The following COL4A1 variants were observed in gnomAD, a reference collection of about 807,000 sequenced individuals.
The protein encoded by COL4A1 is collagen type IV alpha 1 chain, also known as collagen alpha-1(IV) chain.
Under a neutral mutation model 216.6 loss-of-function variants are expected in COL4A1, and 40 were observed. That is an observed-to-expected ratio of 0.18 (90% CI 0.14 to 0.24). The LOEUF (loss-of-function observed/expected upper bound fraction) is 0.24, where lower values mean the gene tolerates loss of function less well. Among genes scored for constraint, COL4A1 ranks in the 10% least tolerant of loss-of-function variants. The probability of loss-of-function intolerance (pLI) is 1.00; values close to 1 mark genes in which losing one functional copy is unlikely to be tolerated. For synonymous variants in COL4A1, 839 were observed against 810.7 expected (o/e 1.03, Z -0.59); for missense variants, 1,628 against 2,196.8 (o/e 0.74, Z 5.18).
chr13:110,212,544 AAAG>A lies in COL4A1; in HGVS notation c.324+27_324+29del, dbSNP rs768050558. ...TCGCCTGATGGAAGAATATTTCATA[AAAG>A]AAGTAGAGCACGTTTTCTATACATA... On this transcript the variant is annotated intron_variant, in intron 5 of 51. Transcript: ENST00000375820. 2.7e-5 allele frequency: 43 copies of A among 1,614,112 alleles called. No homozygotes were observed. The African/African-American group carries it at 5.3e-4, about 20-fold the overall frequency.
intron 2 of COL4A1, among the ~76,000 whole-genome samples, chr13:110,239,783 G>T (rs1881476299): frequency 6.6e-6 from 1 of 152,208 alleles, no homozygotes; most frequent in Non-Finnish European, 1.5e-5. Flanking sequence ...TGACCTGCCA[G>T]CCTAGAGTAC....
chr13:110,306,945 T>G lies in COL4A1; in HGVS notation c.83A>C (p.Lys28Thr). Reference sequence around the variant, plus strand: ...GAGCGGAGCTGGCCGGGAACTCACCTTCGCAGCGGCCCGGCTGTGCTCCTC... The same window carrying G: ...GAGCGGAGCTGGCCGGGAACTCACCGTCGCAGCGGCCCGGCTGTGCTCCTC... ...LHEEHSRAAA[K>T]GGCAGSGCGK... Residue 28 changes from lysine (K) to threonine (T), a missense_variant and splice_region_variant, in exon 1 of 52, where the codon AAG becomes ACG. Physicochemically the swap from Lys to Thr is moderately conservative, Grantham distance 78. Around this residue, in one of 8 missense-constraint regions of COL4A1, gnomAD observed 74 missense variants for 61.7 expected, o/e 1.20. Coordinates refer to ENST00000375820, the MANE Select transcript of COL4A1 (RefSeq NM_001845.6). 1 of 1,471,756 alleles carries G rather than the reference T, an allele frequency of 6.8e-7. No individual in the cohort carries two copies. The highest frequency in any genetic ancestry group is 9.0e-7 in the Non-Finnish European group (1 of 1,116,322). 91.2% of individuals were successfully genotyped at this position (1,471,756 alleles called of 1,614,324 possible). A position where few individuals can be genotyped will look rare whatever the true frequency, so the allele number is the denominator to read the frequency against.
chr13:110,276,310 C>G (rs1478549267), intron 1 of COL4A1, among the ~76,000 whole-genome samples: 1 of 152,216 alleles, frequency 6.6e-6, no homozygotes, highest in Non-Finnish European at 1.5e-5. Context: ...CGTAAAACAT[C>G]TGCATAATTG....
intron 49 of COL4A1, among the ~76,000 whole-genome samples, chr13:110,156,255 C>T (rs564223822): frequency 1.3e-5 from 2 of 152,300 alleles, no homozygotes; most frequent in African/African-American, 4.8e-5. Context: ...CGTATTTCCA[C>T]AAGCACAATA....
chr13:110,265,557 G>A (rs1394721218), intron 1 of COL4A1: 1 of 152,220 alleles, frequency 6.6e-6, no homozygotes, highest in Non-Finnish European at 1.5e-5. Flanking sequence ...CAGGGGAGCT[G>A]ATTCTGGTGA....
At chr13:110,301,439 G>A (rs1332395795) in intron 1 of COL4A1, among the ~76,000 whole-genome samples, 1 of 152,234 alleles carries the variant, frequency 6.6e-6, no homozygotes, top group Non-Finnish European at 1.5e-5. Context: ...ACCACAACCA[G>A]CACCGCTCGA....
At chr13:110,188,535 T>G (rs1349280462) in intron 24 of COL4A1, among the ~76,000 whole-genome samples, 1 of 152,208 alleles carries the variant, frequency 6.6e-6, no homozygotes, top group East Asian at 1.9e-4. Flanking sequence ...AAGCTGATAC[T>G]CAAAGAAGTG....
chr13:110,296,488 GCTAA>G (rs1188646396), intron 1 of COL4A1, among the ~76,000 whole-genome samples: 3 of 152,164 alleles, frequency 2.0e-5, no homozygotes, highest in Non-Finnish European at 4.4e-5. Flanking sequence ...AATAGTAAAA[GCTAA>G]CATTTTATGA....
intron 1 of COL4A1, among the ~76,000 whole-genome samples, chr13:110,287,229 A>G (rs971541810): frequency 3.9e-5 from 6 of 152,196 alleles, no homozygotes; most frequent in Admixed American, 2.6e-4. Flanking sequence ...GCTCTTATTC[A>G]GCCATTCAAC....
At chr13:110,166,880 T>C (rs1877369736) in intron 44 of COL4A1, among the ~76,000 whole-genome samples, 1 of 152,196 alleles carries the variant, frequency 6.6e-6, no homozygotes, top group African/African-American at 2.4e-5. Flanking sequence ...GTTTAATATA[T>C]GAATAAATTA....
chr13:110,240,438 C>T lies in COL4A1; in HGVS notation c.144+2237G>A, dbSNP rs117956337. 2.6e-5 allele frequency among the ~76,000 whole-genome samples: 4 copies of T among 152,338 alleles called. No homozygotes were observed. The East Asian group carries it at 7.7e-4, about 29-fold the overall frequency. On this transcript the variant is annotated intron_variant, in intron 2 of 51. Transcript: ENST00000375820. The stretch of plus-strand genomic sequence containing the variant: ...CTCCCAGTGTCAAGGCTAAAGCTGG[C>T]CCCTGTAGGAAGCTGGCATGGAGCC...
chr13:110,295,241 C>A (rs376586386), intron 1 of COL4A1, among the ~76,000 whole-genome samples: 11 of 149,916 alleles, frequency 7.3e-5, no homozygotes, highest in Middle Eastern at 3.2e-3. Context: ...TCTCACACTA[C>A]ATGGTTTTCT....
intron 1 of COL4A1, among the ~76,000 whole-genome samples, chr13:110,304,620 G>C (rs901944813): frequency 6.6e-6 from 1 of 152,220 alleles, no homozygotes; most frequent in Non-Finnish European, 1.5e-5. Context: ...GAAAAGTGGA[G>C]GAAGGGAGGA....
intron 1 of COL4A1, among the ~76,000 whole-genome samples, chr13:110,271,210 C>T (rs767997982): frequency 6.6e-5 from 10 of 152,304 alleles, no homozygotes; most frequent in Non-Finnish European, 1.3e-4. Context: ...ATGGAGACAG[C>T]GGCGCCAACC....
intron 1 of COL4A1, among the ~76,000 whole-genome samples, chr13:110,255,387 G>A (rs968938839): frequency 1.3e-5 from 2 of 150,750 alleles, no homozygotes; most frequent in Admixed American, 1.3e-4. Context: ...CTTGGGGATG[G>A]GAGCTAGAGC....
intron 1 of COL4A1, among the ~76,000 whole-genome samples, chr13:110,255,885 G>A (rs1401539666): frequency 2.6e-5 from 1 of 38,022 alleles, no homozygotes; most frequent in African/African-American, 7.5e-5. Context: ...CAGGAAGGGA[G>A]GGGGAAGGCA....
At chr13:110,264,398 C>A (rs1368887251) in intron 1 of COL4A1, among the ~76,000 whole-genome samples, 1 of 152,108 alleles carries the variant, frequency 6.6e-6, no homozygotes, top group East Asian at 1.9e-4. Flanking sequence ...AACTTGGCAA[C>A]CACCCTCCTA....
At chr13:110,246,964 G>C (rs1413128341) in intron 1 of COL4A1, among the ~76,000 whole-genome samples, 2 of 152,122 alleles carry the variant, frequency 1.3e-5, no homozygotes, top group Non-Finnish European at 2.9e-5. Flanking sequence ...AGTTCTCAAA[G>C]GAAAGAAAGG....
chr13:110,306,946 T>C lies in COL4A1; in HGVS notation c.82A>G (p.Lys28Glu), dbSNP rs886049964. ...LHEEHSRAAA[K>E]GGCAGSGCGK... Reference sequence around the variant, plus strand: ...AGCGGAGCTGGCCGGGAACTCACCTTCGCAGCGGCCCGGCTGTGCTCCTCG... The same window carrying C: ...AGCGGAGCTGGCCGGGAACTCACCTCCGCAGCGGCCCGGCTGTGCTCCTCG... The change falls in exon 1 of 52, where the codon AAG becomes GAG. Residue 28 changes from lysine (K) to glutamate (E), a missense_variant and splice_region_variant. Around this residue, in one of 8 missense-constraint regions of COL4A1, gnomAD observed 74 missense variants for 61.7 expected, o/e 1.20. Transcript: ENST00000375820. The C allele has an allele frequency of 6.8e-7, 1 of 1,471,908 alleles. No individual in the cohort carries two copies. The highest frequency in any genetic ancestry group is 9.0e-7 in the Non-Finnish European group (1 of 1,116,426). The allele number at this position is 1,471,908 out of a possible 1,614,324, so 91.2% of individuals were successfully genotyped here. A position where few individuals can be genotyped will look rare whatever the true frequency, so the allele number is the denominator to read the frequency against.
Sources: gnomAD v4.1 joint callset for allele counts (sites outside exome capture counted in the v4.1 genomes callset) on GRCh38, gnomAD v4.1.1 for gene constraint, gnomAD v4.1.1 regional missense constraint, MANE v1.5 for transcripts, NCBI Gene and HGNC (gene_info 2026-07-23, HGNC 2026-07-21) for gene names.